The following SLCO2B1 variants were observed in gnomAD, a reference collection of about 807,000 sequenced individuals.
SLCO2B1 encodes solute carrier organic anion transporter family member 2B1.
In SLCO2B1, 41 loss-of-function variants were observed where a neutral mutation model predicts 67.3. The ratio of observed to expected loss-of-function variants is 0.61; its 90% CI spans 0.47 to 0.79. SLCO2B1 has a LOEUF of 0.79. Ranked by LOEUF, SLCO2B1 falls within the 30% of genes least tolerant of loss-of-function variation. The pLI is 0.00. For missense variants in SLCO2B1, 837 were observed against 920.1 expected, an observed-to-expected ratio of 0.91 and a Z score of 1.17; for synonymous variants, 379 against 381.4, an observed-to-expected ratio of 0.99 and a Z score of 0.07.
In SLCO2B1 at chr11:75,176,194, C is replaced by T. The variant is rs144601683; in HGVS notation, c.972+3625C>T. ...CTTGAGGGCTCCCTGACAGATTCTT[C>T]GTCCCCATCTGTCCCTGTGGTAGTG... is the stretch of plus-strand genomic sequence containing the variant. On this transcript the variant is annotated intron_variant, in intron 7 of 13. Coordinates refer to ENST00000289575, the MANE Select transcript of SLCO2B1 (RefSeq NM_007256.5). 2.4e-3 allele frequency among the ~76,000 whole-genome samples: 360 copies of T among 152,310 alleles called. 1 individual carries two copies. The highest frequency in any genetic ancestry group is 8.3e-3 in the African/African-American group (345 of 41,562).
intron 6 of SLCO2B1, 90 bp from the exon 7 acceptor site, chr11:75,172,289 C>A: frequency 8.1e-7 from 1 of 1,235,180 alleles, no homozygotes. Flanking sequence ...CCTGGGCCAC[C>A]TCATGTCTCA....
intron 7 of SLCO2B1, 70 bp from the exon 8 acceptor site, chr11:75,188,066 A>G (rs1330516182): frequency 9.3e-7 from 1 of 1,072,626 alleles, no homozygotes; most frequent in Non-Finnish European, 1.4e-6. Context: ...TCTCCTCCCC[A>G]GCCCACAGCC....
chr11:75,157,263 T>C (rs1268674940), intron 1 of SLCO2B1: 3 of 152,206 alleles, frequency 2.0e-5, no homozygotes, highest in African/African-American at 7.2e-5. Context: ...ACGGACAGTC[T>C]AGGAAGAGGA....
intron 7 of SLCO2B1, among the ~76,000 whole-genome samples, chr11:75,181,956 G>A (rs1022551708): frequency 6.6e-6 from 1 of 152,220 alleles, no homozygotes; most frequent in African/African-American, 2.4e-5. Flanking sequence ...GCTAAGGACA[G>A]ATAGGGCTCC....
rs751203701 is a variant in SLCO2B1 at position 75,203,420 on chromosome 11, C to T, written c.1942C>T (p.Arg648Ter). 7 of 1,614,112 alleles carry T rather than the reference C, an allele frequency of 4.3e-6. No individual in the cohort carries two copies. The highest frequency in any genetic ancestry group is 3.3e-5 in the South Asian group (3 of 91,088). ...VCRYYNNDLL[R>*]NRFIGLQFFF... ...TCGCTACTACAATAATGACCTGCTC[C>T]GAAACCGGTGAGACCTGGTTTGATG... The change falls in exon 13 of 14, where the codon CGA becomes TGA. Residue 648 changes from arginine to a stop codon, truncating the protein, a stop_gained. Coordinates refer to ENST00000289575, the MANE Select transcript of SLCO2B1 (RefSeq NM_007256.5). LOFTEE classifies it low-confidence loss of function (END_TRUNC).
chr11:75,165,907 C>T lies in SLCO2B1; in HGVS notation c.406C>T (p.His136Tyr). 1 of 1,614,164 alleles carries T rather than the reference C, an allele frequency of 6.2e-7. No individual in the cohort carries two copies. The highest frequency in any genetic ancestry group is 8.5e-7 in the Non-Finnish European group (1 of 1,180,010). The change falls in exon 4 of 14, where the codon CAC becomes TAC. Residue 136 changes from histidine (H) to tyrosine (Y), a missense_variant. By Grantham distance (83) the His-to-Tyr change is moderately conservative (BLOSUM62 2). Coordinates refer to ENST00000289575, the MANE Select transcript of SLCO2B1 (RefSeq NM_007256.5). ...ALAGLLMTLP[H>Y]FISEPYRYDN... Reference sequence around the variant, plus strand: ...GGCGGGCCTGCTCATGACTCTCCCGCACTTCATCTCGGAGCCATACCGCTA... The same window carrying T: ...GGCGGGCCTGCTCATGACTCTCCCGTACTTCATCTCGGAGCCATACCGCTA...
chr11:75,165,180 C>T (rs1383247109), intron 3 of SLCO2B1, among the ~76,000 whole-genome samples: 34 of 152,152 alleles, frequency 2.2e-4, no homozygotes, highest in Non-Finnish European at 1.2e-4. Flanking sequence ...GCCTGTAATC[C>T]CAGCACTTTG....
rs894997831 is a variant in SLCO2B1 at position 75,205,558 on chromosome 11, G to C, written c.*978G>C. 3 of 152,400 alleles carry C rather than the reference G, an allele frequency of 2.0e-5. No individual in the cohort carries two copies. The highest frequency in any genetic ancestry group is 3.4e-3 in the Middle Eastern group (1 of 294). 9.4% of individuals were successfully genotyped at this position (152,400 alleles called of 1,614,324 possible). On this transcript the variant is annotated 3_prime_UTR_variant, in exon 14 of 14. Coordinates refer to ENST00000289575, the MANE Select transcript of SLCO2B1 (RefSeq NM_007256.5). Reference sequence around the variant, plus strand: ...TTTCTCTATTTTCTCCTGGGTGCCTGGGTCTGTGTCACCTGGGGCAGTGTG... The same window carrying C: ...TTTCTCTATTTTCTCCTGGGTGCCTCGGTCTGTGTCACCTGGGGCAGTGTG...
intron 7 of SLCO2B1, among the ~76,000 whole-genome samples, chr11:75,175,737 A>G (rs1443941532): frequency 1.3e-5 from 2 of 152,122 alleles, no homozygotes; most frequent in Non-Finnish European, 2.9e-5. Flanking sequence ...ACAGGGGAAA[A>G]GAGGGGTGCA....
intron 7 of SLCO2B1, among the ~76,000 whole-genome samples, chr11:75,186,204 C>T (rs1449041704): frequency 5.9e-5 from 9 of 151,946 alleles, no homozygotes; most frequent in Non-Finnish European, 1.2e-4. Context: ...TGCCACCACA[C>T]CTGGCTGATT....
chr11:75,195,375 C>A (rs1031713564), intron 9 of SLCO2B1, among the ~76,000 whole-genome samples: 1 of 152,166 alleles, frequency 6.6e-6, no homozygotes, highest in Non-Finnish European at 1.5e-5. Context: ...ACCCCCACCC[C>A]GAGGGAGATG....
chr11:75,153,387 C>T (rs1224064285), intron 1 of SLCO2B1, among the ~76,000 whole-genome samples: 1 of 152,224 alleles, frequency 6.6e-6, no homozygotes, highest in Non-Finnish European at 1.5e-5. Flanking sequence ...GGTTCAAATT[C>T]CAGCACTGCA....
intron 7 of SLCO2B1, among the ~76,000 whole-genome samples, chr11:75,183,244 T>C (rs950955157): frequency 1.3e-5 from 2 of 152,222 alleles, no homozygotes; most frequent in African/African-American, 4.8e-5. Context: ...CATTTTCCTT[T>C]TTTCATACTA....
intron 6 of SLCO2B1, among the ~76,000 whole-genome samples, chr11:75,171,743 G>T (rs961325818): frequency 2.0e-5 from 3 of 152,136 alleles, no homozygotes; most frequent in South Asian, 4.1e-4. Flanking sequence ...CTTGTTAAAG[G>T]TACGGGTTCC....
chr11:75,193,044 G>T lies in SLCO2B1; in HGVS notation c.1076-174G>T, dbSNP rs1945047634. On this transcript the variant is annotated intron_variant, in intron 8 of 13. Transcript: ENST00000289575. The surrounding 1 kb of genome is among the most constrained non-coding windows in gnomAD (Gnocchi z 4.2). ...GGCGACAGAGAGAGAAAAAAAAAGG[G>T]ACTAGAGTAAATGGAATGGAGTCAA... 6.6e-6 allele frequency among the ~76,000 whole-genome samples: 1 copy of T among 152,142 alleles called. No homozygotes were observed. Among genetic ancestry groups the T allele is most frequent in the South Asian group, 2.1e-4 (1 of 4,826 alleles).
intron 9 of SLCO2B1, 115 bp from the exon 10 acceptor site, chr11:75,196,399 C>G (rs1945096758): frequency 9.6e-7 from 1 of 1,046,986 alleles, no homozygotes; most frequent in Non-Finnish European, 1.4e-6. Flanking sequence ...TGAAAATCCT[C>G]TGTGTGGAGC....
rs765877740 is a variant in SLCO2B1 at position 75,196,610 on chromosome 11, G to A, written c.1530G>A (p.Val510=). The A allele has an allele frequency of 1.9e-6, 3 of 1,614,094 alleles. No individual in the cohort carries two copies. In the South Asian group the frequency reaches 3.3e-5, roughly 18 times the overall value. ...CTGTCTGCGACCCCAGCACTCGTGT[G>A]GAATACATCACACCCTGCCACGCAG... ...FNPVCDPSTR[V]EYITPCHAGC... Residue 510 remains valine (V), a synonymous_variant, in exon 10 of 14, where the codon GTG becomes GTA. Coordinates refer to ENST00000289575, the MANE Select transcript of SLCO2B1 (RefSeq NM_007256.5).
In SLCO2B1 at chr11:75,206,216, T is replaced by G. The variant is rs543515989; in HGVS notation, c.*1636T>G. The G allele has an allele frequency of 6.6e-6, 1 of 152,342 alleles. No homozygotes were observed. Among genetic ancestry groups the G allele is most frequent in the African/African-American group, 2.4e-5 (1 of 41,582 alleles). 9.4% of individuals were successfully genotyped at this position (152,342 alleles called of 1,614,324 possible). ...TTTTGCAGGGAAAAAAAGTCTGGAA[T>G]TATAGATACAGCTTATTATTAAATT... On this transcript the variant is annotated 3_prime_UTR_variant, in exon 14 of 14. Transcript: ENST00000289575.
chr11:75,204,696 A>T lies in SLCO2B1; in HGVS notation c.*116A>T. 1.2e-6 allele frequency: 1 copy of T among 864,110 alleles called. No individual in the cohort carries two copies. The highest frequency in any genetic ancestry group is 1.7e-6 in the Non-Finnish European group (1 of 593,322). The allele number at this position is 864,110 out of a possible 1,614,324, so 53.5% of individuals were successfully genotyped here. ...TGTTCCATTCTGGCTCCTCCACTAAATTGCTGTGTGACTTCAGGCAAGACA... is the reference window on the plus strand; with the variant it reads ...TGTTCCATTCTGGCTCCTCCACTAATTTGCTGTGTGACTTCAGGCAAGACA... On this transcript the variant is annotated 3_prime_UTR_variant, in exon 14 of 14. Transcript: ENST00000289575.
Sources: allele counts gnomAD v4.1 joint callset (sites outside exome capture counted in the v4.1 genomes callset), GRCh38; gene constraint gnomAD v4.1.1; non-coding constraint Gnocchi (gnomAD v3.1); transcripts MANE v1.5; gene names NCBI Gene and HGNC (gene_info 2026-07-23, HGNC 2026-07-21).